Variants in KLHL29 observed in about 807,000 individuals in gnomAD.
KLHL29 encodes the protein kelch-like protein 29.
Under a neutral mutation model 80.4 loss-of-function variants are expected in KLHL29, and 21 were observed. The observed-to-expected ratio is 0.26, with a 90% CI of 0.19 to 0.38. The LOEUF (loss-of-function observed/expected upper bound fraction) is 0.38. Among genes scored for constraint, KLHL29 ranks in the 10% least tolerant of loss-of-function variants. The pLI is 1.00. For missense variants in KLHL29, 867 were observed against 1,223.9 expected (o/e 0.71, Z 4.35); for synonymous variants, 511 against 526.8 (o/e 0.97, Z 0.41).
chr2:23,422,020 A>G (rs577274725), intron 1 of KLHL29, among the ~76,000 whole-genome samples: 2 of 141,622 alleles, frequency 1.4e-5, no homozygotes, highest in South Asian at 2.3e-4. Context: ...TGTGTGTCAT[A>G]TGTCTTATGT....
At chr2:23,414,468 C>T (rs1666939693) in intron 1 of KLHL29, among the ~76,000 whole-genome samples, 1 of 152,184 alleles carries the variant, frequency 6.6e-6, no homozygotes, top group Non-Finnish European at 1.5e-5. Flanking sequence ...CCCCCAGTGG[C>T]AGGGGAAGCA....
chr2:23,606,637 T>C (rs975155890), intron 3 of KLHL29, among the ~76,000 whole-genome samples: 4 of 152,160 alleles, frequency 2.6e-5, no homozygotes, highest in Admixed American at 2.6e-4. Context: ...TTGATGGGAG[T>C]TGGTTTTATC....
At chr2:23,688,087 G>A (rs1016070797) in intron 6 of KLHL29, among the ~76,000 whole-genome samples, 1 of 152,152 alleles carries the variant, frequency 6.6e-6, no homozygotes, top group Non-Finnish European at 1.5e-5. Context: ...CGGTAGAGTG[G>A]ACAGGTGTGG....
chr2:23,518,049 G>A (rs1251475531), intron 2 of KLHL29, among the ~76,000 whole-genome samples: 1 of 152,184 alleles, frequency 6.6e-6, no homozygotes, highest in East Asian at 1.9e-4. Context: ...ATAGTGTGTA[G>A]CTCATCATAA....
chr2:23,515,045 G>A (rs1452097596), intron 2 of KLHL29, among the ~76,000 whole-genome samples: 1 of 152,038 alleles, frequency 6.6e-6, no homozygotes, highest in Non-Finnish European at 1.5e-5. Context: ...CCCAACACTA[G>A]CCCAGCACAC....
At chr2:23,599,219 G>A (rs889486569) in intron 3 of KLHL29, among the ~76,000 whole-genome samples, 5 of 152,180 alleles carry the variant, frequency 3.3e-5, no homozygotes, top group African/African-American at 7.2e-5. Flanking sequence ...TTCAAGGCCC[G>A]TGTTGCCCCC....
intron 2 of KLHL29, among the ~76,000 whole-genome samples, chr2:23,478,406 G>A (rs1285330625): frequency 6.6e-6 from 1 of 152,128 alleles, no homozygotes; most frequent in Non-Finnish European, 1.5e-5. Flanking sequence ...TCAGTTTACT[G>A]TGGAAACTGG....
At chr2:23,446,863 G>C (rs1663708776) in intron 1 of KLHL29, among the ~76,000 whole-genome samples, 1 of 152,178 alleles carries the variant, frequency 6.6e-6, no homozygotes, top group Non-Finnish European at 1.5e-5. Flanking sequence ...ACATAAGACT[G>C]ATGACTTTCT....
chr2:23,700,761 G>A lies in KLHL29; in HGVS notation c.2106-2425G>A, dbSNP rs1672311626. ...AATGGGTTCTGCACCTCTTGTTCCG[G>A]TTGAAGTGCCCTTGACTACAGAGCA... On this transcript the variant is annotated intron_variant, in intron 11 of 13. Coordinates refer to ENST00000486442, the MANE Select transcript of KLHL29 (RefSeq NM_052920.2). This position sits in a 1 kb window ranked among gnomAD's most constrained non-coding sequence, Gnocchi z 4.6. Among the ~76,000 whole-genome samples the A allele has an allele frequency of 6.6e-6, 1 of 152,134 alleles. No individual in the cohort carries two copies. The highest frequency in any genetic ancestry group is 1.5e-5 in the Non-Finnish European group (1 of 68,026).
chr2:23,591,786 G>T (rs560887790), intron 3 of KLHL29, among the ~76,000 whole-genome samples: 45 of 152,176 alleles, frequency 3.0e-4, no homozygotes, highest in Admixed American at 9.8e-4. Context: ...CGCCTTCCTC[G>T]TCGCGTTCCA....
At chr2:23,621,153 A>AC (rs1295193401) in intron 3 of KLHL29, among the ~76,000 whole-genome samples, 5 of 152,224 alleles carry the variant, frequency 3.3e-5, no homozygotes, top group African/African-American at 9.6e-5. Context: ...GAAAGCGTCC[A>AC]GTCTATGGGG....
intron 8 of KLHL29, 48 bp downstream of exon 8, chr2:23,693,576 C>T (rs1321353865): frequency 2.0e-6 from 3 of 1,524,934 alleles, no homozygotes; most frequent in South Asian, 2.4e-5. Context: ...TTTGGGGTCC[C>T]CCTGCGGCAA....
In KLHL29 at chr2:23,684,813, C is replaced by T. The variant is rs1226097132; in HGVS notation, c.1079+276C>T. Reference sequence around the variant, plus strand: ...TCTGCCAGCAGTAGACAACACCGTGCCCCACCCCTGAGATCCCAGGTTCTC... The same window carrying T: ...TCTGCCAGCAGTAGACAACACCGTGTCCCACCCCTGAGATCCCAGGTTCTC... On this transcript the variant is annotated intron_variant, in intron 6 of 13. Transcript: ENST00000486442. The surrounding 1 kb of genome is among the most constrained non-coding windows in gnomAD (Gnocchi z 4.4). 1.3e-5 allele frequency among the ~76,000 whole-genome samples: 2 copies of T among 152,092 alleles called. No homozygotes were observed. The highest frequency in any genetic ancestry group is 2.9e-5 in the Non-Finnish European group (2 of 67,974).
intron 1 of KLHL29, among the ~76,000 whole-genome samples, chr2:23,407,017 CT>C (rs1476370272): frequency 6.6e-6 from 1 of 152,084 alleles, no homozygotes; most frequent in Non-Finnish European, 1.5e-5. Context: ...TTCTTTCCTG[CT>C]TTTTTTCCTC....
intron 2 of KLHL29, among the ~76,000 whole-genome samples, chr2:23,545,707 A>T (rs984360573): frequency 6.6e-6 from 1 of 152,182 alleles, no homozygotes; most frequent in Non-Finnish European, 1.5e-5. Flanking sequence ...CCTGGGGACG[A>T]GTCATTTCCT....
intron 2 of KLHL29, among the ~76,000 whole-genome samples, chr2:23,489,641 C>T (rs1665037877): frequency 6.6e-6 from 1 of 151,946 alleles, no homozygotes; most frequent in Non-Finnish European, 1.5e-5. Context: ...AACAAGGCTC[C>T]ACTCTGGGAT....
intron 1 of KLHL29, among the ~76,000 whole-genome samples, chr2:23,435,617 G>A (rs975089215): frequency 6.6e-6 from 1 of 152,212 alleles, no homozygotes; most frequent in African/African-American, 2.4e-5. Context: ...GCTCCACTAA[G>A]TTTATTCATT....
chr2:23,482,644 T>C (rs958459412), intron 2 of KLHL29, among the ~76,000 whole-genome samples: 9 of 152,224 alleles, frequency 5.9e-5, no homozygotes, highest in African/African-American at 2.2e-4. Context: ...CATTTACTCA[T>C]ACTCAGAGGC....
At position 23,562,423 on chromosome 2, in the gene KLHL29, G is replaced by A. The variant is rs980653680; in HGVS notation, c.227G>A (p.Gly76Asp). ...ACAGCTCCTGCTCCCTGCACCACCG[G>A]CAGCAGCGAGGCCATCACCAGCCTC... ...PATAPAPCTT[G>D]SSEAITSLVA... Residue 76 changes from glycine (G) to aspartate (D), a missense_variant, in exon 3 of 14, where the codon GGC becomes GAC. Gly to Asp is a moderately conservative substitution (Grantham distance 94). Coordinates refer to ENST00000486442, the MANE Select transcript of KLHL29 (RefSeq NM_052920.2). This position sits in a 1 kb window ranked among gnomAD's most constrained non-coding sequence, Gnocchi z 4.5. 11 of 1,537,418 alleles carry A rather than the reference G, an allele frequency of 7.2e-6. No homozygotes were observed. Among genetic ancestry groups the A allele is most frequent in the Non-Finnish European group, 8.7e-6 (10 of 1,146,742 alleles).
Sources: allele counts gnomAD v4.1 joint callset (sites outside exome capture counted in the v4.1 genomes callset), GRCh38; gene constraint gnomAD v4.1.1; non-coding constraint Gnocchi (gnomAD v3.1); transcripts MANE v1.5; gene names NCBI Gene and HGNC (gene_info 2026-07-23, HGNC 2026-07-21).